ANGPTL5: variants seen among roughly 807,000 people sequenced by gnomAD.
ANGPTL5 encodes angiopoietin-related protein 5.
Under a neutral mutation model 39.4 loss-of-function variants are expected in ANGPTL5, and 34 were observed. The observed-to-expected ratio is 0.86, with a 90% CI of 0.66 to 1.15. The LOEUF (loss-of-function observed/expected upper bound fraction) is 1.15. ANGPTL5 is among the 50% of genes most tolerant of loss of function. ANGPTL5 has a pLI of 0.00. For missense variants in ANGPTL5, 467 were observed against 457.5 expected (o/e 1.02, Z -0.19); for synonymous variants, 146 against 152.1 (o/e 0.96, Z 0.29).
chr11:101,910,424 AATATATAT>A (rs71059523), intron 1 of ANGPTL5, among the ~76,000 whole-genome samples: 1 of 127,210 alleles, frequency 7.9e-6, no homozygotes, highest in African/African-American at 3.0e-5. Context: ...AAAAAAAAAA[AATATATAT>A]ATATATATAT....
At chr11:101,905,691 A>T in intron 4 of ANGPTL5, 53 bp downstream of exon 4, 1 of 1,236,868 alleles carries the variant, frequency 8.1e-7, no homozygotes, top group Non-Finnish European at 1.2e-6. Flanking sequence ...CCTCCAGCTA[A>T]CTATACATCA....
intron 7 of ANGPTL5, among the ~76,000 whole-genome samples, chr11:101,898,691 A>G (rs1259627991): frequency 6.6e-6 from 1 of 152,134 alleles, no homozygotes; most frequent in Admixed American, 6.5e-5. Flanking sequence ...GTTGAATAGG[A>G]GTGGTGAGAG....
chr11:101,895,029 T>C lies in ANGPTL5; in HGVS notation c.697A>G (p.Ile233Val), dbSNP rs769176772. Reference protein sequence around the residue: ...FWLGLKKIFYIVNQKNTSFML... With the variant: ...FWLGLKKIFYVVNQKNTSFML... ...AAACTGGTATTTTTCTGATTTACTATATAAAAAATCTTTTTCAGTCCTAGC... is the reference window on the plus strand; with the variant it reads ...AAACTGGTATTTTTCTGATTTACTACATAAAAAATCTTTTTCAGTCCTAGC... Residue 233 changes from isoleucine (I) to valine (V), a missense_variant, in exon 8 of 9, where the codon ATA (isoleucine) becomes GTA (valine). Coordinates refer to ENST00000334289, the MANE Select transcript of ANGPTL5 (RefSeq NM_178127.5). The C allele has an allele frequency of 1.8e-5, 29 of 1,604,734 alleles. No homozygotes were observed. The highest frequency in any genetic ancestry group is 4.0e-5 in the African/African-American group (3 of 74,476).
chr11:101,911,903 C>A (rs944793495), intron 1 of ANGPTL5, among the ~76,000 whole-genome samples: 1 of 152,150 alleles, frequency 6.6e-6, no homozygotes, highest in African/African-American at 2.4e-5. Flanking sequence ...ACCCCTGTGC[C>A]CTTATTCTTC....
chr11:101,900,431 TAGA>T lies in ANGPTL5; in HGVS notation c.657_659del (p.Leu220del). 1.2e-6 allele frequency: 2 copies of T among 1,612,894 alleles called. No homozygotes were observed. The highest frequency in any genetic ancestry group is 1.7e-6 in the Non-Finnish European group (2 of 1,179,572). On this transcript the variant is annotated inframe_deletion and splice_region_variant, in exon 7 of 9. Transcript: ENST00000334289. Reference sequence around the variant, plus strand: ...GAGTAGAAATACAAAAAAATTAACCTAGAAGATCTCCAAATCCATCCAGATAAT... The same window carrying T: ...GAGTAGAAATACAAAAAAATTAACCTAGATCTCCAAATCCATCCAGATAAT...
Position 101,910,424 on chromosome 11 carries a change from A to AAAAAATAT in ANGPTL5, c.-92-2424_-92-2423insATATTTTT, listed in dbSNP as rs1469724609. Among the ~76,000 whole-genome samples the AAAAAATAT allele has an allele frequency of 1.2e-3, 147 of 127,198 alleles. 1 individual carries two copies. Among genetic ancestry groups the AAAAAATAT allele is most frequent in the African/African-American group, 4.3e-3 (141 of 32,956 alleles). 83.4% of individuals were successfully genotyped at this position (127,198 alleles called of 152,430 possible). ...AAACTCCGTCTCAAAAAAAAAAAAA[A>AAAAAATAT]ATATATATATATATATATATATTCA... On this transcript the variant is annotated intron_variant, in intron 1 of 8. Transcript: ENST00000334289.
rs1555048783 is a variant in ANGPTL5, at chr11:101,910,422, A to ATATATAT, written c.-92-2422_-92-2421insATATATA. On this transcript the variant is annotated intron_variant, in intron 1 of 8. Coordinates refer to ENST00000334289, the MANE Select transcript of ANGPTL5 (RefSeq NM_178127.5). The stretch of plus-strand genomic sequence containing the variant: ...CAAAACTCCGTCTCAAAAAAAAAAA[A>ATATATAT]AAATATATATATATATATATATATT... Among the ~76,000 whole-genome samples, 28 of 128,350 alleles carry ATATATAT rather than the reference A, an allele frequency of 2.2e-4. 1 individual carries two copies. Among genetic ancestry groups the ATATATAT allele is most frequent in the South Asian group, 5.2e-4 (2 of 3,818 alleles). 84.2% of individuals were successfully genotyped at this position (128,350 alleles called of 152,430 possible).
At position 101,907,815 on chromosome 11, in the gene ANGPTL5, G is replaced by T; in HGVS notation, c.95C>A (p.Thr32Lys). ...AVQGNCVHHS[T>K]DSSVVNIVED... ...ATATAATATTGCTAAAATTCTTACCGTAGAATGATGTACACAGTTACCTTG... is the reference window on the plus strand; with the variant it reads ...ATATAATATTGCTAAAATTCTTACCTTAGAATGATGTACACAGTTACCTTG... The change falls in exon 2 of 9, where the codon ACG becomes AAG. Residue 32 changes from threonine to lysine, a missense_variant and splice_region_variant. By Grantham distance (78) the Thr-to-Lys change is moderately conservative. Transcript: ENST00000334289. The T allele has an allele frequency of 6.3e-7, 1 of 1,580,854 alleles. No individual in the cohort carries two copies.
chr11:101,905,819 G>A lies in ANGPTL5; in HGVS notation c.270C>T (p.Tyr90=). 1 of 1,611,032 alleles carries A rather than the reference G, an allele frequency of 6.2e-7. No homozygotes were observed. Among genetic ancestry groups the A allele is most frequent in the East Asian group, 2.2e-5 (1 of 44,724 alleles). The change falls in exon 4 of 9, where the codon TAC becomes TAT. Residue 90 remains tyrosine, a synonymous_variant. Transcript: ENST00000334289. ...TTAGTAGTTTTTTGGTACTTCTTGT[G>A]TAGGAAACAATAGAATTTTGCAAAT... ...CRNLQNSIVS[Y]TRSTKKLLRN...
Position 101,905,812 on chromosome 11 carries a change from T to G in ANGPTL5, c.277A>C (p.Ser93Arg). The G allele has an allele frequency of 6.2e-7, 1 of 1,611,986 alleles. No individual in the cohort carries two copies. The highest frequency in any genetic ancestry group is 8.5e-7 in the Non-Finnish European group (1 of 1,178,918). ...LQNSIVSYTR[S>R]TKKLLRNMMD... is the part of the protein sequence containing the mutation. ...ATATTCCTTAGTAGTTTTTTGGTAC[T>G]TCTTGTGTAGGAAACAATAGAATTT... Residue 93 changes from serine (S) to arginine (R), a missense_variant, in exon 4 of 9, where the codon AGT becomes CGT. Physicochemically the swap from Ser to Arg is moderately radical, Grantham distance 110. Coordinates refer to ENST00000334289, the MANE Select transcript of ANGPTL5 (RefSeq NM_178127.5).
chr11:101,895,381 C>G (rs570258274), intron 7 of ANGPTL5, among the ~76,000 whole-genome samples: 47 of 152,156 alleles, frequency 3.1e-4, no homozygotes, highest in African/African-American at 1.1e-3. Flanking sequence ...AATTAGTCTT[C>G]ATTTAAAGAA....
intron 6 of ANGPTL5, among the ~76,000 whole-genome samples, chr11:101,900,920 C>T (rs1336317583): frequency 2.6e-5 from 4 of 151,682 alleles, no homozygotes; most frequent in East Asian, 3.9e-4. Flanking sequence ...GGCGCGATCC[C>T]GGCTCACTGC....
chr11:101,903,018 C>G (rs536421128), intron 5 of ANGPTL5, among the ~76,000 whole-genome samples: 1 of 152,204 alleles, frequency 6.6e-6, no homozygotes, highest in Non-Finnish European at 1.5e-5. Flanking sequence ...ATTACACATT[C>G]TCTTTACCAA....
At chr11:101,899,629 C>T (rs12804060) in intron 7 of ANGPTL5, among the ~76,000 whole-genome samples, 25,777 of 152,258 alleles carry the variant, frequency 0.17, 2,875 homozygotes, top group Non-Finnish European at 0.25. Flanking sequence ...ATTCACTATA[C>T]TCCAGAGCAT....
At chr11:101,896,156 A>ATATTATT (rs1403242673) in intron 7 of ANGPTL5, among the ~76,000 whole-genome samples, 1 of 139,622 alleles carries the variant, frequency 7.2e-6, no homozygotes, top group Non-Finnish European at 1.5e-5. Context: ...CTGTAATCCT[A>ATATTATT]TATTTATTTA....
rs1469724609 is a variant in ANGPTL5 at position 101,910,424 on chromosome 11, A to AAATATATATATAT, written c.-92-2424_-92-2423insATATATATATATT. ...AAACTCCGTCTCAAAAAAAAAAAAA[A>AAATATATATATAT]ATATATATATATATATATATATTCA... On this transcript the variant is annotated intron_variant, in intron 1 of 8. Coordinates refer to ENST00000334289, the MANE Select transcript of ANGPTL5 (RefSeq NM_178127.5). 2.0e-4 allele frequency among the ~76,000 whole-genome samples: 26 copies of AAATATATATATAT among 127,194 alleles called. No homozygotes were observed. In the South Asian group the frequency reaches 4.4e-3, roughly 22 times the overall value. The allele number at this position is 127,194 out of a possible 152,430, so 83.4% of individuals were successfully genotyped here. A position where few individuals can be genotyped will look rare whatever the true frequency, so the allele number is the denominator to read the frequency against.
chr11:101,891,507 T>C lies in ANGPTL5; in HGVS notation c.939A>G (p.Ala313=), dbSNP rs765704918. The change falls in exon 9 of 9, where the codon GCA becomes GCG. Residue 313 remains alanine (A), a synonymous_variant. Transcript: ENST00000334289. ...TCACAGACTGACCATTGACCAGGCA[T>C]GCAGGGCGACACCCATCATTATCAA... is the stretch of plus-strand genomic sequence containing the variant. ...SDVDNDGCRP[A]CLVNGQSVKS... is the part of the protein sequence containing the mutation. 11 of 1,614,078 alleles carry C rather than the reference T, an allele frequency of 6.8e-6. No individual in the cohort carries two copies. Among genetic ancestry groups the C allele is most frequent in the Admixed American group, 1.7e-5 (1 of 59,990 alleles).
intron 1 of ANGPTL5, among the ~76,000 whole-genome samples, chr11:101,911,606 C>T (rs1387223297): frequency 1.3e-5 from 2 of 152,186 alleles, no homozygotes; most frequent in African/African-American, 4.8e-5. Flanking sequence ...TTCAGTCCTG[C>T]TCCTGCCATG....
chr11:101,892,801 G>C (rs1415019946), intron 8 of ANGPTL5, among the ~76,000 whole-genome samples: 1 of 152,168 alleles, frequency 6.6e-6, no homozygotes, highest in Non-Finnish European at 1.5e-5. Context: ...CATTATTTCT[G>C]AAAGTTTGGC....
Sources: allele counts gnomAD v4.1 joint callset (sites outside exome capture counted in the v4.1 genomes callset), GRCh38; gene constraint gnomAD v4.1.1; transcripts MANE v1.5; gene names NCBI Gene and HGNC (gene_info 2026-07-23, HGNC 2026-07-21).